TSPAN12: variants seen among roughly 807,000 people sequenced by gnomAD.
TSPAN12 encodes the protein tetraspanin-12.
A neutral mutation model predicts 39.2 loss-of-function variants in TSPAN12; 19 were observed. That is an observed-to-expected ratio of 0.49 (90% CI 0.34 to 0.71). TSPAN12 has a LOEUF of 0.71. TSPAN12 is among the 30% of genes least tolerant of loss of function. The pLI is 0.01. For missense variants in TSPAN12, 314 were observed against 359.9 expected, an observed-to-expected ratio of 0.87 and a Z score of 1.03; for synonymous variants, 119 against 124.8, an observed-to-expected ratio of 0.95 and a Z score of 0.31.
At chr7:120,842,476 A>G (rs935016361) in intron 2 of TSPAN12, among the ~76,000 whole-genome samples, 12 of 149,920 alleles carry the variant, frequency 8.0e-5, no homozygotes, top group Non-Finnish European at 1.3e-4. Flanking sequence ...AGTGCCCTGA[A>G]GCACAGAAAA....
At chr7:120,840,993 T>C (rs1211449149) in intron 2 of TSPAN12, among the ~76,000 whole-genome samples, 2 of 152,234 alleles carry the variant, frequency 1.3e-5, no homozygotes, top group East Asian at 3.8e-4. Flanking sequence ...AGGTTTATCC[T>C]GGACTAATTC....
At chr7:120,839,374 A>G (rs1213301956) in intron 3 of TSPAN12, among the ~76,000 whole-genome samples, 1 of 152,224 alleles carries the variant, frequency 6.6e-6, no homozygotes, top group Non-Finnish European at 1.5e-5. Context: ...GCAAAGGAAA[A>G]TCAATCTACA....
At chr7:120,852,199 C>A (rs1168926861) in intron 2 of TSPAN12, among the ~76,000 whole-genome samples, 1 of 151,122 alleles carries the variant, frequency 6.6e-6, no homozygotes, top group South Asian at 2.1e-4. Context: ...TTTTTTTTCC[C>A]TAAAATCCTA....
At chr7:120,814,095 T>G (rs1252283667) in intron 5 of TSPAN12, 2 of 405,210 alleles carry the variant, frequency 4.9e-6, no homozygotes, top group Non-Finnish European at 9.8e-6. Context: ...TAAATTGGAG[T>G]GTGCAGAGTA....
intron 7 of TSPAN12, among the ~76,000 whole-genome samples, chr7:120,793,819 A>G (rs1173182255): frequency 6.6e-6 from 1 of 152,268 alleles, no homozygotes; most frequent in Admixed American, 6.5e-5. Flanking sequence ...ATTGGAAAAC[A>G]CCATAAGAAA....
At chr7:120,810,419 A>C in intron 6 of TSPAN12, 44 bp downstream of exon 6, 2 of 1,210,064 alleles carry the variant, frequency 1.7e-6, no homozygotes, top group Non-Finnish European at 2.5e-6. Context: ...TTGAAGGTGC[A>C]CCACTTACTT....
intron 4 of TSPAN12, among the ~76,000 whole-genome samples, chr7:120,826,286 T>G (rs1471521290): frequency 6.6e-6 from 1 of 152,174 alleles, no homozygotes; most frequent in Non-Finnish European, 1.5e-5. Flanking sequence ...GATGTGCCAG[T>G]CTAGCAGAAG....
At chr7:120,807,580 C>T (rs546888020) in intron 6 of TSPAN12, among the ~76,000 whole-genome samples, 29 of 152,166 alleles carry the variant, frequency 1.9e-4, no homozygotes, top group African/African-American at 6.5e-4. Flanking sequence ...GAGTGACTGG[C>T]TATGCAAATT....
chr7:120,853,656 T>C (rs977294344), intron 2 of TSPAN12, among the ~76,000 whole-genome samples: 1 of 150,736 alleles, frequency 6.6e-6, no homozygotes, highest in Non-Finnish European at 1.5e-5. Context: ...GGGTGGATCA[T>C]GAGGTCAGGA....
chr7:120,832,872 G>T (rs1408422608), intron 4 of TSPAN12, among the ~76,000 whole-genome samples: 1 of 152,062 alleles, frequency 6.6e-6, no homozygotes. Flanking sequence ...CATACCAAAA[G>T]ACCATATTTT....
chr7:120,796,114 G>T (rs1417805577), intron 7 of TSPAN12, among the ~76,000 whole-genome samples: 1 of 152,206 alleles, frequency 6.6e-6, no homozygotes, highest in Non-Finnish European at 1.5e-5. Context: ...AAACCTGGAA[G>T]GCTTCTTGCT....
chr7:120,799,986 C>G (rs950587445), intron 7 of TSPAN12, among the ~76,000 whole-genome samples: 4 of 149,620 alleles, frequency 2.7e-5, no homozygotes, highest in African/African-American at 4.9e-5. Flanking sequence ...TCAGTCAAAA[C>G]AAACAGACAT....
chr7:120,797,806 C>T (rs1793662789), intron 7 of TSPAN12, among the ~76,000 whole-genome samples: 1 of 152,130 alleles, frequency 6.6e-6, no homozygotes, highest in African/African-American at 2.4e-5. Flanking sequence ...CCTTCCTCTC[C>T]ATATTAAATG....
At chr7:120,806,959 G>A (rs1380831311) in intron 6 of TSPAN12, among the ~76,000 whole-genome samples, 1 of 152,038 alleles carries the variant, frequency 6.6e-6, no homozygotes, top group East Asian at 1.9e-4. Context: ...CTAACTGTAA[G>A]CTCATCTACA....
At chr7:120,857,111 C>T in intron 1 of TSPAN12, 1 of 394,784 alleles carries the variant, frequency 2.5e-6, no homozygotes. Context: ...TCAGGGGACA[C>T]GCGGCGGAGC....
At chr7:120,799,035 C>A (rs998837817) in intron 7 of TSPAN12, among the ~76,000 whole-genome samples, 2 of 152,104 alleles carry the variant, frequency 1.3e-5, no homozygotes, top group African/African-American at 2.4e-5. Context: ...TTTCTTTTAG[C>A]CACTGATGTG....
Position 120,856,718 on chromosome 7 carries a change from C to A in TSPAN12, c.46G>T (p.Ala16Ser), listed in dbSNP as rs1157184701. 6.2e-7 allele frequency: 1 copy of A among 1,614,080 alleles called. No individual in the cohort carries two copies. The highest frequency in any genetic ancestry group is 1.3e-5 in the African/African-American group (1 of 74,934). ...CTTACCCAAAAGAGCAGATTGAGGG[C>A]GTAGAGCAGGCAGCGCAGACACTTC... ...SVKCLRCLLY[A>S]LNLLFWLMSI... Residue 16 changes from alanine to serine, a missense_variant, in exon 2 of 8, where the codon GCC becomes TCC. By Grantham distance (99) the Ala-to-Ser change is moderately conservative. Transcript: ENST00000222747.
At position 120,819,775 on chromosome 7, in the gene TSPAN12, C is replaced by T. The variant is rs185205297; in HGVS notation, c.286-3972G>A. Reference sequence around the variant, plus strand: ...GATAAAGAGACCATCTGCATCTACCCCTAAATTTTCTTTTGTAGTGAGATC... The same window carrying T: ...GATAAAGAGACCATCTGCATCTACCTCTAAATTTTCTTTTGTAGTGAGATC... On this transcript the variant is annotated intron_variant, in intron 4 of 7. Coordinates refer to ENST00000222747, the MANE Select transcript of TSPAN12 (RefSeq NM_012338.4). Among the ~76,000 whole-genome samples the T allele has an allele frequency of 2.2e-3, 333 of 152,154 alleles. 1 individual carries two copies. The highest frequency in any genetic ancestry group is 3.3e-3 in the Admixed American group (50 of 15,250).
chr7:120,821,828 T>C (rs1440492160), intron 4 of TSPAN12, among the ~76,000 whole-genome samples: 1 of 152,086 alleles, frequency 6.6e-6, no homozygotes, highest in Non-Finnish European at 1.5e-5. Flanking sequence ...GTGTATAAAA[T>C]TGCTCATCCT....
Sources: gnomAD v4.1 joint callset for allele counts (sites outside exome capture counted in the v4.1 genomes callset) on GRCh38, gnomAD v4.1.1 for gene constraint, MANE v1.5 for transcripts, NCBI Gene and HGNC (gene_info 2026-07-23, HGNC 2026-07-21) for gene names.